DOCK1: variants seen among roughly 807,000 people sequenced by gnomAD.
DOCK1 encodes the protein dedicator of cytokinesis 1, also known as dedicator of cytokinesis protein 1.
In DOCK1, 138 loss-of-function variants were observed where a neutral mutation model predicts 262.7. That is an observed-to-expected ratio of 0.53 (90% CI 0.46 to 0.61). The LOEUF (loss-of-function observed/expected upper bound fraction) is 0.61. Ranked by LOEUF, DOCK1 falls within the 20% of genes least tolerant of loss-of-function variation. The pLI, the probability that DOCK1 is intolerant of heterozygous loss-of-function variation, is 0.00. For missense variants in DOCK1, 1,908 were observed against 2,370.7 expected, an observed-to-expected ratio of 0.80 and a Z score of 4.05; for synonymous variants, 866 against 867.4, an observed-to-expected ratio of 1.00 and a Z score of 0.03.
At chr10:127,257,190 C>G (rs2059856332) in intron 28 of DOCK1, 145 bp from the exon 29 acceptor site, 1 of 653,890 alleles carries the variant, frequency 1.5e-6, no homozygotes, top group South Asian at 2.1e-5. Flanking sequence ...TAATTCACAG[C>G]TCCTATGAAA....
chr10:127,067,223 T>C (rs954157581), intron 23 of DOCK1, among the ~76,000 whole-genome samples: 1 of 152,202 alleles, frequency 6.6e-6, no homozygotes, highest in African/African-American at 2.4e-5. Flanking sequence ...CCCCACTGTG[T>C]TGGCAGCAGG....
intron 1 of DOCK1, among the ~76,000 whole-genome samples, chr10:126,940,387 G>A (rs1242396317): frequency 1.3e-5 from 2 of 152,120 alleles, no homozygotes; most frequent in African/African-American, 4.8e-5. Flanking sequence ...GCAGCACTTC[G>A]TACTCAATAT....
intron 33 of DOCK1, among the ~76,000 whole-genome samples, chr10:127,366,550 TG>T: frequency 6.6e-6 from 1 of 152,346 alleles, no homozygotes; most frequent in Non-Finnish European, 1.5e-5. Context: ...GGATTATTCC[TG>T]GGCCACAGTA....
intron 2 of DOCK1, among the ~76,000 whole-genome samples, chr10:126,975,480 C>T (rs1229396075): frequency 6.6e-6 from 1 of 152,216 alleles, no homozygotes; most frequent in Non-Finnish European, 1.5e-5. Flanking sequence ...CTTCCTGCAT[C>T]CTGCAGTGTT....
At chr10:127,045,966 G>A (rs1310219645) in intron 21 of DOCK1, among the ~76,000 whole-genome samples, 1 of 151,892 alleles carries the variant, frequency 6.6e-6, no homozygotes, top group African/African-American at 2.4e-5. Context: ...TCTAATTCCA[G>A]GTTAAGATTC....
chr10:127,098,234 C>T (rs946274069), intron 23 of DOCK1, among the ~76,000 whole-genome samples: 4 of 152,194 alleles, frequency 2.6e-5, no homozygotes, highest in Non-Finnish European at 5.9e-5. Context: ...CAAACAAAAA[C>T]AGGAAAAATC....
At chr10:127,327,851 T>A (rs2062810110) in intron 29 of DOCK1, among the ~76,000 whole-genome samples, 3 of 152,274 alleles carry the variant, frequency 2.0e-5, no homozygotes, top group African/African-American at 7.2e-5. Context: ...GCACAGCCTA[T>A]AAGTGACAGG....
At position 126,958,444 on chromosome 10, in the gene DOCK1, A is replaced by G. The variant is rs1045271337; in HGVS notation, c.47-12258A>G. Among the ~76,000 whole-genome samples, 179 of 152,336 alleles carry G rather than the reference A, an allele frequency of 1.2e-3. 1 individual carries two copies. The highest frequency in any genetic ancestry group is 1.9e-3 in the Non-Finnish European group (132 of 68,030). On this transcript the variant is annotated intron_variant, in intron 1 of 51. Coordinates refer to ENST00000623213, the MANE Select transcript of DOCK1 (RefSeq NM_001290223.2). ...TAGGTTGACAGGGAAGTCACAGCTC[A>G]TGGAGACCAGAGCAGGGACTCTGTT...
intron 23 of DOCK1, among the ~76,000 whole-genome samples, chr10:127,098,599 C>T (rs937596194): frequency 3.3e-5 from 5 of 152,160 alleles, no homozygotes; most frequent in African/African-American, 1.2e-4. Context: ...GAAATGCTAC[C>T]TTCCCAAATT....
intron 29 of DOCK1, among the ~76,000 whole-genome samples, chr10:127,284,002 A>T (rs2061058039): frequency 6.6e-6 from 1 of 152,248 alleles, no homozygotes; most frequent in Non-Finnish European, 1.5e-5. Flanking sequence ...CTTTTAAAAA[A>T]ATTGTTAATG....
chr10:127,216,535 ATTGG>A (rs546084886), intron 27 of DOCK1, among the ~76,000 whole-genome samples: 193 of 152,190 alleles, frequency 1.3e-3, no homozygotes, highest in African/African-American at 4.4e-3. Flanking sequence ...CCTTACAGCC[ATTGG>A]GCTGGGCAAC....
At chr10:127,212,988 G>C (rs964191747) in intron 27 of DOCK1, among the ~76,000 whole-genome samples, 1 of 152,174 alleles carries the variant, frequency 6.6e-6, no homozygotes, top group Admixed American at 6.5e-5. Flanking sequence ...CAATAAGGAT[G>C]TATGAAGTCA....
At chr10:127,089,546 C>A (rs973494246) in intron 23 of DOCK1, among the ~76,000 whole-genome samples, 1 of 152,210 alleles carries the variant, frequency 6.6e-6, no homozygotes, top group African/African-American at 2.4e-5. Context: ...GATTCTGACC[C>A]CCACACCTAA....
At chr10:126,951,101 G>T (rs892066017) in intron 1 of DOCK1, among the ~76,000 whole-genome samples, 9 of 151,938 alleles carry the variant, frequency 5.9e-5, no homozygotes, top group African/African-American at 9.7e-5. Flanking sequence ...GATGATAGTG[G>T]TGGTAGTGTT....
intron 36 of DOCK1, among the ~76,000 whole-genome samples, chr10:127,380,328 C>A (rs1449462554): frequency 6.6e-6 from 1 of 151,976 alleles, no homozygotes; most frequent in Non-Finnish European, 1.5e-5. Flanking sequence ...TCTTGGTGGT[C>A]ACCATTAGCC....
intron 29 of DOCK1, among the ~76,000 whole-genome samples, chr10:127,324,864 CA>C (rs2135598940): frequency 6.6e-6 from 1 of 152,290 alleles, no homozygotes; most frequent in South Asian, 2.1e-4. Flanking sequence ...TCATCAGAAG[CA>C]AATGAGAAAG....
intron 27 of DOCK1, among the ~76,000 whole-genome samples, chr10:127,243,653 G>A (rs1452043365): frequency 6.6e-6 from 1 of 152,142 alleles, no homozygotes; most frequent in African/African-American, 2.4e-5. Context: ...GGGTGTGCGG[G>A]GACGACTTCT....
intron 27 of DOCK1, among the ~76,000 whole-genome samples, chr10:127,162,436 A>G (rs1393598367): frequency 6.6e-6 from 1 of 152,190 alleles, no homozygotes; most frequent in African/African-American, 2.4e-5. Flanking sequence ...TTTGAGGGCT[A>G]CCCTGGCAAC....
rs549935946 is a variant in DOCK1 at position 127,175,863 on chromosome 10, T to C, written c.2847+48099T>C. ...CTGGTCCACTGTGTTCATGTGTTGG[T>C]TGGAATGGAAAACCAAGGCTGTGGT... On this transcript the variant is annotated intron_variant, in intron 27 of 51. Transcript: ENST00000623213. The surrounding 1 kb of genome is among the most constrained non-coding windows in gnomAD (Gnocchi z 6.3). 11 of 1,614,116 alleles carry C rather than the reference T, an allele frequency of 6.8e-6. No individual in the cohort carries two copies. The East Asian group carries it at 2.0e-4, about 29-fold the overall frequency.
Sources: allele counts gnomAD v4.1 joint callset (sites outside exome capture counted in the v4.1 genomes callset), GRCh38; gene constraint gnomAD v4.1.1; non-coding constraint Gnocchi (gnomAD v3.1); transcripts MANE v1.5; gene names NCBI Gene and HGNC (gene_info 2026-07-23, HGNC 2026-07-21).